RNF4: variants seen among roughly 807,000 people sequenced by gnomAD.
The protein encoded by RNF4 is ring finger protein 4.
RNF4 carries 7 observed loss-of-function variants against 24.3 expected under a neutral mutation model. The observed-to-expected ratio is 0.29, with a 90% CI of 0.16 to 0.54. RNF4 has a LOEUF of 0.54. RNF4 is among the 20% of genes least tolerant of loss of function. RNF4 has a pLI of 0.95. For missense variants in RNF4, 209 were observed against 248.5 expected (o/e 0.84, Z 1.07); for synonymous variants, 83 against 84.3 (o/e 0.98, Z 0.09).
At position 2,512,344 on chromosome 4, in the gene RNF4, G is replaced by C; in HGVS notation, c.215-94G>C. ...TTTGTCTCTGGGGGTCCCAGGCAGG[G>C]AAGGAAGAGGGTCTTAAGAGGCGTC... On this transcript the variant is annotated intron_variant, in intron 5 of 7. Transcript: ENST00000314289. This position sits in a 1 kb window ranked among gnomAD's most constrained non-coding sequence, Gnocchi z 4.1. 1 of 1,432,120 alleles carries C rather than the reference G, an allele frequency of 7.0e-7. No individual in the cohort carries two copies. The highest frequency in any genetic ancestry group is 9.6e-7 in the Non-Finnish European group (1 of 1,041,264). 88.7% of individuals were successfully genotyped at this position (1,432,120 alleles called of 1,614,324 possible). A position where few individuals can be genotyped will look rare whatever the true frequency, so the allele number is the denominator to read the frequency against.
intron 3 of RNF4, among the ~76,000 whole-genome samples, chr4:2,498,965 GGCGTGCA>G (rs1735824684): frequency 6.6e-6 from 1 of 152,166 alleles, no homozygotes; most frequent in African/African-American, 2.4e-5. Context: ...GGGAGGCCGA[GGCGTGCA>G]GATCACCTGA....
At chr4:2,511,816 G>A in intron 4 of RNF4, 140 bp from the exon 5 acceptor site, 1 of 775,676 alleles carries the variant, frequency 1.3e-6, no homozygotes, top group Non-Finnish European at 2.2e-6. Context: ...TCTGTGGGTG[G>A]GAGGAGGGTG....
Position 2,515,807 on chromosome 4 carries a change from ACTC to A in RNF4, c.*1992_*1994del, listed in dbSNP as rs1281749717. The stretch of plus-strand genomic sequence containing the variant: ...ATCCATGGATATCAGTCTGCTTTGG[ACTC>A]CTCTGCTAGTGTTACAGATGGAAAT... On this transcript the variant is annotated 3_prime_UTR_variant, in exon 8 of 8. Coordinates refer to ENST00000314289, the MANE Select transcript of RNF4 (RefSeq NM_002938.5). 1 of 152,382 alleles carries A rather than the reference ACTC, an allele frequency of 6.6e-6. No homozygotes were observed. Among genetic ancestry groups the A allele is most frequent in the Non-Finnish European group, 1.5e-5 (1 of 67,996 alleles). The allele number at this position is 152,382 out of a possible 1,614,324, so 9.4% of individuals were successfully genotyped here.
intron 4 of RNF4, among the ~76,000 whole-genome samples, chr4:2,510,607 C>T (rs182062720): frequency 2.0e-5 from 3 of 152,342 alleles, no homozygotes; most frequent in East Asian, 1.9e-4. Context: ...ACTCGGTTCA[C>T]GTCTAGGATC....
At chr4:2,499,458 T>G in intron 3 of RNF4, 3 of 330,328 alleles carry the variant, frequency 9.1e-6, no homozygotes, top group Non-Finnish European at 1.8e-5. Flanking sequence ...GTATTTTTAG[T>G]AGAAACGGAG....
At chr4:2,480,583 GA>G (rs113417443) in intron 1 of RNF4, 2,717 of 145,774 alleles carry the variant, frequency 0.019, 81 homozygotes, top group African/African-American at 0.062. Context: ...TTTCAGTGAG[GA>G]AAAAAAAAAA....
chr4:2,514,345 C>T lies in RNF4; in HGVS notation c.*526C>T, dbSNP rs760720599. 1 of 162,870 alleles carries T rather than the reference C, an allele frequency of 6.1e-6. No homozygotes were observed. Among genetic ancestry groups the T allele is most frequent in the Non-Finnish European group, 1.4e-5 (1 of 73,124 alleles). 10.1% of individuals were successfully genotyped at this position (162,870 alleles called of 1,614,324 possible). A position where few individuals can be genotyped will look rare whatever the true frequency, so the allele number is the denominator to read the frequency against. On this transcript the variant is annotated 3_prime_UTR_variant, in exon 8 of 8. Coordinates refer to ENST00000314289, the MANE Select transcript of RNF4 (RefSeq NM_002938.5). ...TGAGAGTCAGAGGTCACCCGTGATT[C>T]TGCCTGCACCTTATCATTGATCTGC...
At chr4:2,471,959 A>G (rs977763975) in intron 1 of RNF4, among the ~76,000 whole-genome samples, 4 of 152,248 alleles carry the variant, frequency 2.6e-5, no homozygotes, top group Non-Finnish European at 5.9e-5. Flanking sequence ...TGCAGAACAT[A>G]TAGCTAAAAT....
intron 1 of RNF4, among the ~76,000 whole-genome samples, chr4:2,472,768 A>G (rs944818498): frequency 1.3e-5 from 2 of 152,218 alleles, no homozygotes; most frequent in African/African-American, 2.4e-5. Flanking sequence ...GTCTCCAGGC[A>G]CGGTGGCTCA....
At chr4:2,507,205 A>T (rs1736129773) in intron 4 of RNF4, among the ~76,000 whole-genome samples, 1 of 139,316 alleles carries the variant, frequency 7.2e-6, no homozygotes, top group Non-Finnish European at 1.6e-5. Context: ...AGGAAGGAAG[A>T]GGGAGGGAGG....
At chr4:2,489,010 A>G (rs1010574033) in intron 1 of RNF4, among the ~76,000 whole-genome samples, 3 of 152,010 alleles carry the variant, frequency 2.0e-5, no homozygotes, top group African/African-American at 7.2e-5. Context: ...ACGGGGTTTC[A>G]CCATATTGGC....
At chr4:2,498,963 G>A (rs951003291) in intron 3 of RNF4, among the ~76,000 whole-genome samples, 3 of 152,072 alleles carry the variant, frequency 2.0e-5, no homozygotes, top group African/African-American at 7.2e-5. Flanking sequence ...TTGGGAGGCC[G>A]AGGCGTGCAG....
Position 2,512,408 on chromosome 4 carries a change from C to T in RNF4, c.215-30C>T, listed in dbSNP as rs112666745. 91 of 1,586,108 alleles carry T rather than the reference C, an allele frequency of 5.7e-5. 1 individual carries two copies. The highest frequency in any genetic ancestry group is 4.6e-4 in the African/African-American group (34 of 74,276). On this transcript the variant is annotated intron_variant, in intron 5 of 7. Transcript: ENST00000314289. The surrounding 1 kb of genome is among the most constrained non-coding windows in gnomAD (Gnocchi z 4.1). The stretch of plus-strand genomic sequence containing the variant: ...TGAGGATGGTAAGAGTAGAGAGCCT[C>T]CAACCTGAAAATGTGACCTCTTACC...
intron 1 of RNF4, among the ~76,000 whole-genome samples, chr4:2,470,315 G>A (rs1712842474): frequency 6.6e-6 from 1 of 152,160 alleles, no homozygotes; most frequent in Non-Finnish European, 1.5e-5. Context: ...GGAGTTTTGG[G>A]ACCACTGTCA....
At chr4:2,480,069 T>C (rs1006658836) in intron 1 of RNF4, 5 of 151,992 alleles carry the variant, frequency 3.3e-5, no homozygotes, top group Non-Finnish European at 5.9e-5. Context: ...TAACTGGGAC[T>C]ACAGGCACGT....
intron 4 of RNF4, among the ~76,000 whole-genome samples, chr4:2,502,748 G>A (rs1285713618): frequency 2.0e-5 from 3 of 151,620 alleles, no homozygotes; most frequent in Non-Finnish European, 4.4e-5. Context: ...GGAGGCTAAG[G>A]CAGGAGAATT....
chr4:2,493,914 C>A (rs1384834838), intron 2 of RNF4, among the ~76,000 whole-genome samples: 4 of 151,110 alleles, frequency 2.6e-5, no homozygotes, highest in African/African-American at 7.3e-5. Context: ...GCAATATTGG[C>A]TCACTGCAAC....
intron 4 of RNF4, chr4:2,505,896 T>G (rs1736086892): frequency 6.6e-6 from 1 of 151,738 alleles, no homozygotes; most frequent in African/African-American, 2.4e-5. Context: ...GAGACAGGAT[T>G]TTGCCATGTT....
At chr4:2,509,690 G>T (rs1293249573) in intron 4 of RNF4, among the ~76,000 whole-genome samples, 1 of 152,154 alleles carries the variant, frequency 6.6e-6, no homozygotes, top group Non-Finnish European at 1.5e-5. Context: ...TGGGCTCAGT[G>T]CTCAGGACAG....
Sources: allele counts gnomAD v4.1 joint callset (sites outside exome capture counted in the v4.1 genomes callset), GRCh38; gene constraint gnomAD v4.1.1; non-coding constraint Gnocchi (gnomAD v3.1); transcripts MANE v1.5; gene names NCBI Gene and HGNC (gene_info 2026-07-23, HGNC 2026-07-21).